Variants in HORMAD1 observed in about 807,000 individuals in gnomAD.
HORMAD1 encodes HORMA domain containing 1, also known as HORMA domain-containing protein 1.
Under a neutral mutation model 58.2 loss-of-function variants are expected in HORMAD1, and 33 were observed. The observed-to-expected ratio is 0.57, with a 90% CI of 0.43 to 0.76. The LOEUF (loss-of-function observed/expected upper bound fraction) is 0.76, where lower values mean the gene tolerates loss of function less well. Ranked by LOEUF, HORMAD1 falls within the 30% of genes least tolerant of loss-of-function variation. The pLI, the probability that HORMAD1 is intolerant of heterozygous loss-of-function variation, is 0.00. For missense variants in HORMAD1, 363 were observed against 462.0 expected, an observed-to-expected ratio of 0.79 and a Z score of 1.96; for synonymous variants, 137 against 144.6, an observed-to-expected ratio of 0.95 and a Z score of 0.38.
In HORMAD1 at chr1:150,698,439, A is replaced by T. The variant is rs757825553; in HGVS notation, c.*215T>A. The T allele has an allele frequency of 5.8e-6, 2 of 343,358 alleles. No homozygotes were observed. Among genetic ancestry groups the T allele is most frequent in the Non-Finnish European group, 1.1e-5 (2 of 189,914 alleles). The allele number at this position is 343,358 out of a possible 1,614,324, so 21.3% of individuals were successfully genotyped here. A position where few individuals can be genotyped will look rare whatever the true frequency, so the allele number is the denominator to read the frequency against. On this transcript the variant is annotated 3_prime_UTR_variant, in exon 15 of 15. Coordinates refer to ENST00000361824, the MANE Select transcript of HORMAD1 (RefSeq NM_032132.5). ...TGAAATTTTACTTATTACCGAATCAATTATGACATTTGTACTTTTGCTTTT... is the reference window on the plus strand; with the variant it reads ...TGAAATTTTACTTATTACCGAATCATTTATGACATTTGTACTTTTGCTTTT...
At chr1:150,706,889 T>G in intron 9 of HORMAD1, 80 bp from the exon 10 acceptor site, 1 of 1,199,584 alleles carries the variant, frequency 8.3e-7, no homozygotes, top group South Asian at 1.7e-5. Flanking sequence ...ACACGCAGAT[T>G]GCAGGTATTT....
At chr1:150,715,118 T>A (rs1423487762) in intron 3 of HORMAD1, among the ~76,000 whole-genome samples, 1 of 152,126 alleles carries the variant, frequency 6.6e-6, no homozygotes, top group South Asian at 2.1e-4. Context: ...ATTAATATTA[T>A]TAATGTAATT....
intron 3 of HORMAD1, among the ~76,000 whole-genome samples, chr1:150,715,028 G>A (rs1277491642): frequency 2.0e-5 from 3 of 151,940 alleles, no homozygotes; most frequent in South Asian, 2.1e-4. Flanking sequence ...CAGGTGACCC[G>A]CCTGCCTCAA....
intron 7 of HORMAD1, among the ~76,000 whole-genome samples, chr1:150,710,809 C>T (rs888517413): frequency 6.6e-6 from 1 of 152,138 alleles, no homozygotes; most frequent in Non-Finnish European, 1.5e-5. Flanking sequence ...TCTACCTCTC[C>T]TTGACTGAAT....
intron 10 of HORMAD1, among the ~76,000 whole-genome samples, chr1:150,705,049 C>CAAAAT (rs1358069665): frequency 6.6e-6 from 1 of 151,542 alleles, no homozygotes. Flanking sequence ...TCTCAAAAAA[C>CAAAAT]AAAACAAAAC....
At chr1:150,707,472 G>C (rs1235296000) in intron 9 of HORMAD1, among the ~76,000 whole-genome samples, 2 of 152,142 alleles carry the variant, frequency 1.3e-5, no homozygotes, top group Non-Finnish European at 2.9e-5. Flanking sequence ...TTTAGCCAAT[G>C]CTATAATCAA....
chr1:150,719,574 A>AT, intron 1 of HORMAD1, 36 bp from the exon 2 acceptor site: 3 of 1,053,122 alleles, frequency 2.8e-6, no homozygotes, highest in Admixed American at 2.4e-5. Context: ...CTTAGAGCTC[A>AT]TTTTTTTCCT....
chr1:150,709,943 T>G (rs1253860071), intron 7 of HORMAD1, among the ~76,000 whole-genome samples: 3 of 152,238 alleles, frequency 2.0e-5, no homozygotes, highest in Admixed American at 2.0e-4. Flanking sequence ...TAGATTCTAT[T>G]GCTCACATGT....
chr1:150,699,368 T>A (rs1392664051), intron 14 of HORMAD1, among the ~76,000 whole-genome samples: 2 of 152,186 alleles, frequency 1.3e-5, no homozygotes, highest in Non-Finnish European at 2.9e-5. Flanking sequence ...AGGGAACACA[T>A]GTATTTAGTA....
chr1:150,703,446 C>A, intron 12 of HORMAD1, 53 bp from the exon 13 acceptor site: 1 of 986,372 alleles, frequency 1.0e-6, no homozygotes, highest in South Asian at 1.6e-5. Flanking sequence ...AAAACCTTTT[C>A]ATAACACAAT....
chr1:150,707,666 T>G (rs1651736960), intron 9 of HORMAD1, among the ~76,000 whole-genome samples: 2 of 152,260 alleles, frequency 1.3e-5, no homozygotes, highest in Non-Finnish European at 2.9e-5. Flanking sequence ...CCGGGTGCTG[T>G]GGCTCACGCC....
intron 10 of HORMAD1, among the ~76,000 whole-genome samples, chr1:150,704,546 G>A (rs587642971): frequency 6.6e-6 from 1 of 152,250 alleles, no homozygotes; most frequent in African/African-American, 2.4e-5. Flanking sequence ...AGTAGTTCCA[G>A]ATTAGCCTGG....
At chr1:150,712,008 A>G (rs1339655336) in intron 5 of HORMAD1, among the ~76,000 whole-genome samples, 155 bp from the exon 6 acceptor site, 1 of 152,338 alleles carries the variant, frequency 6.6e-6, no homozygotes, top group Non-Finnish European at 1.5e-5. Flanking sequence ...CCTATAATGC[A>G]GTACCTTAGA....
In HORMAD1 at chr1:150,716,226, A is replaced by C. The variant is rs587666822; in HGVS notation, c.178+912T>G. ...TTGCCAGGCTGGAGTGCAGTGGCAC[A>C]ATCTCGGCTCACTGCAACCTCCGCC... On this transcript the variant is annotated intron_variant, in intron 3 of 14. Transcript: ENST00000361824. Among the ~76,000 whole-genome samples, 249 of 132,490 alleles carry C rather than the reference A, an allele frequency of 1.9e-3. 2 individuals carry two copies. Among genetic ancestry groups the C allele is most frequent in the Non-Finnish European group, 3.1e-3 (204 of 65,646 alleles). 86.9% of individuals were successfully genotyped at this position (132,490 alleles called of 152,430 possible).
At chr1:150,717,812 C>T (rs1652131031) in intron 2 of HORMAD1, among the ~76,000 whole-genome samples, 1 of 151,838 alleles carries the variant, frequency 6.6e-6, no homozygotes, top group African/African-American at 2.4e-5. Context: ...CACCTGTAAA[C>T]CCAGCTACTC....
chr1:150,720,702 A>C (rs1652224866), intron 1 of HORMAD1, 102 bp downstream of exon 1: 1 of 152,260 alleles, frequency 6.6e-6, no homozygotes, highest in Non-Finnish European at 1.5e-5. Context: ...TACCACTAAG[A>C]CCTTAAGAAA....
Position 150,698,437 on chromosome 1 carries a change from C to T in HORMAD1, c.*217G>A, listed in dbSNP as rs1436315470. On this transcript the variant is annotated 3_prime_UTR_variant, in exon 15 of 15. Coordinates refer to ENST00000361824, the MANE Select transcript of HORMAD1 (RefSeq NM_032132.5). ...TTTGAAATTTTACTTATTACCGAAT[C>T]AATTATGACATTTGTACTTTTGCTT... 1 of 333,370 alleles carries T rather than the reference C, an allele frequency of 3.0e-6. No homozygotes were observed. Among genetic ancestry groups the T allele is most frequent in the Non-Finnish European group, 5.4e-6 (1 of 184,032 alleles). The allele number at this position is 333,370 out of a possible 1,614,324, so 20.7% of individuals were successfully genotyped here.
At chr1:150,700,712 T>C (rs1321032784) in intron 13 of HORMAD1, among the ~76,000 whole-genome samples, 1 of 152,186 alleles carries the variant, frequency 6.6e-6, no homozygotes, top group Non-Finnish European at 1.5e-5. Context: ...AAAGGAATAA[T>C]ACAATATGTG....
At position 150,710,067 on chromosome 1, in the gene HORMAD1, T is replaced by G. The variant is rs1471288798; in HGVS notation, c.328-1106A>C. On this transcript the variant is annotated intron_variant, in intron 7 of 14. Coordinates refer to ENST00000361824, the MANE Select transcript of HORMAD1 (RefSeq NM_032132.5). ...GAGGGAACTCAGAGACCGGCGCCGGTGCAGGTCCTTGGTATGCTGAGCGCC... is the reference window on the plus strand; with the variant it reads ...GAGGGAACTCAGAGACCGGCGCCGGGGCAGGTCCTTGGTATGCTGAGCGCC... 2.6e-5 allele frequency among the ~76,000 whole-genome samples: 4 copies of G among 152,174 alleles called. No individual in the cohort carries two copies. In the East Asian group the frequency reaches 7.7e-4, roughly 29 times the overall value.
Sources: gnomAD v4.1 joint callset for allele counts (sites outside exome capture counted in the v4.1 genomes callset) on GRCh38, gnomAD v4.1.1 for gene constraint, MANE v1.5 for transcripts, NCBI Gene and HGNC (gene_info 2026-07-23, HGNC 2026-07-21) for gene names.